The following UGT1A6 variants were observed in gnomAD, a reference collection of about 807,000 sequenced individuals.
UGT1A6 encodes UDP glucuronosyltransferase family 1 member A6.
In UGT1A6, 32 loss-of-function variants were observed where a neutral mutation model predicts 44.4. That is an observed-to-expected ratio of 0.72 (90% CI 0.54 to 0.97). UGT1A6 has a LOEUF of 0.97. UGT1A6 is among the 50% of genes least tolerant of loss of function. UGT1A6 has a pLI of 0.00. For missense variants in UGT1A6, 685 were observed against 661.9 expected, an observed-to-expected ratio of 1.03 and a Z score of -0.38; for synonymous variants, 238 against 248.5, an observed-to-expected ratio of 0.96 and a Z score of 0.40.
intron 1 of UGT1A6, among the ~76,000 whole-genome samples, chr2:233,731,510 C>T (rs1236819305): frequency 6.6e-6 from 1 of 152,156 alleles, no homozygotes; most frequent in African/African-American, 2.4e-5. Context: ...GTTCAGTTCC[C>T]ACCTATGAGT....
At chr2:233,723,514 A>G (rs2077090409) in intron 1 of UGT1A6, among the ~76,000 whole-genome samples, 1 of 107,644 alleles carries the variant, frequency 9.3e-6, no homozygotes, top group Non-Finnish European at 1.8e-5. Context: ...CTGGTCAACA[A>G]TCTTTTTTTT....
In UGT1A6 at chr2:233,693,744, A is replaced by G. The variant is rs533205358; in HGVS notation, c.740A>G (p.Tyr247Cys). ...LKRDVDIITL[Y>C]QKVSVWLLRY... ...AGAGATGTGGATATAATCACCTTAT[A>G]TCAGAAGGTCTCTGTTTGGCTGTTA... Residue 247 changes from tyrosine (Y) to cysteine (C), a missense_variant, in exon 1 of 5, where the codon TAT becomes TGT. Physicochemically the swap from Tyr to Cys is radical, Grantham distance 194 (BLOSUM62 -2). Transcript: ENST00000305139. 103 of 1,614,126 alleles carry G rather than the reference A, an allele frequency of 6.4e-5. No homozygotes were observed. The highest frequency in any genetic ancestry group is 7.9e-5 in the Non-Finnish European group (93 of 1,180,050).
intron 1 of UGT1A6, among the ~76,000 whole-genome samples, chr2:233,732,119 T>C (rs1297599080): frequency 7.1e-6 from 1 of 141,674 alleles, no homozygotes; most frequent in African/African-American, 2.7e-5. Context: ...TTTGCCCACT[T>C]TTTGATGAGG....
At chr2:233,743,013 C>T (rs1054809) in intron 1 of UGT1A6, 1 of 235,812 alleles carries the variant, frequency 4.2e-6, no homozygotes, top group Non-Finnish European at 8.4e-6. Context: ...TATTTTACAA[C>T]GATTGAAAGA....
intron 1 of UGT1A6, chr2:233,760,404 C>T (rs1211296854): frequency 1.2e-6 from 2 of 1,614,220 alleles, no homozygotes; most frequent in Non-Finnish European, 8.5e-7. Flanking sequence ...ATGGCAGCCA[C>T]TGGCTGAGCA....
At chr2:233,709,458 T>A (rs1048342871) in intron 1 of UGT1A6, among the ~76,000 whole-genome samples, 2 of 152,212 alleles carry the variant, frequency 1.3e-5, no homozygotes, top group African/African-American at 4.8e-5. Flanking sequence ...TTTAAAGCAA[T>A]CATTTTGGGG....
At chr2:233,695,130 C>CTTTCTTTTTTTTTTTTTTT (rs1364557158) in intron 1 of UGT1A6, among the ~76,000 whole-genome samples, 1 of 138,838 alleles carries the variant, frequency 7.2e-6, no homozygotes. Flanking sequence ...CTTTTCTTTT[C>CTTTCTTTTTTTTTTTTTTT]TTTTTTTTTT....
chr2:233,743,312 T>A, intron 1 of UGT1A6: 2 of 657,664 alleles, frequency 3.0e-6, no homozygotes, highest in South Asian at 1.5e-5. Context: ...TTGGTGGTGA[T>A]TTTTTTACCA....
Position 233,768,319 on chromosome 2 carries a change from G to C in UGT1A6, c.1181G>C (p.Gly394Ala), listed in dbSNP as rs367897068. The C allele has an allele frequency of 1.4e-5, 23 of 1,614,162 alleles. No individual in the cohort carries two copies. In the South Asian group the frequency reaches 2.2e-4, roughly 15 times the overall value. ...CCCATGGTGATGATGCCCTTGTTTG[G>C]TGATCAGATGGACAATGCAAAGCGC... is the stretch of plus-strand genomic sequence containing the variant. ...GVPMVMMPLF[G>A]DQMDNAKRME... The change falls in exon 4 of 5, where the codon GGT (glycine) becomes GCT (alanine). Residue 394 changes from glycine to alanine, a missense_variant. Transcript: ENST00000305139.
rs1233406017 is a variant in UGT1A6 at position 233,718,946 on chromosome 2, CA to C, written c.861+25082del. 88 of 1,614,072 alleles carry C rather than the reference CA, an allele frequency of 5.5e-5. No homozygotes were observed. In the East Asian group the frequency reaches 1.6e-3, roughly 29 times the overall value. ...TGCCCACTGATGGCAGCCCCTGGCT[CA>C]GCATGCGGGAGGCCTTGCGGGAGCT... On this transcript the variant is annotated intron_variant, in intron 1 of 4. Transcript: ENST00000305139.
intron 4 of UGT1A6, 66 bp downstream of exon 4, chr2:233,768,505 A>G (rs1285600562): frequency 6.4e-7 from 1 of 1,563,990 alleles, no homozygotes; most frequent in Non-Finnish European, 8.7e-7. Flanking sequence ...TTCAAATATG[A>G]AAACATTTAC....
chr2:233,729,858 A>G (rs1450945508), intron 1 of UGT1A6: 1 of 1,613,820 alleles, frequency 6.2e-7, no homozygotes. Context: ...GAGAGGTGTC[A>G]GTGGTGGATA....
intron 1 of UGT1A6, among the ~76,000 whole-genome samples, chr2:233,702,394 T>C (rs767929704): frequency 7.2e-5 from 11 of 152,332 alleles, no homozygotes; most frequent in Non-Finnish European, 1.5e-4. Context: ...TTCCAGATCA[T>C]GTTATCTACA....
In UGT1A6 at chr2:233,755,043, C is replaced by G. The variant is rs780933124; in HGVS notation, c.862-11991C>G. ...CTTGAAGGGCCTGCCGCCTGCGCAGCCGCCCTCCGCCCTCGCCTCGCCATA... is the reference window on the plus strand; with the variant it reads ...CTTGAAGGGCCTGCCGCCTGCGCAGGCGCCCTCCGCCCTCGCCTCGCCATA... On this transcript the variant is annotated intron_variant, in intron 1 of 4. Transcript: ENST00000305139. The G allele has an allele frequency of 9.8e-6, 13 of 1,323,836 alleles. No homozygotes were observed. In the South Asian group the frequency reaches 1.4e-4, roughly 14 times the overall value. The allele number at this position is 1,323,836 out of a possible 1,614,324, so 82.0% of individuals were successfully genotyped here. A position where few individuals can be genotyped will look rare whatever the true frequency, so the allele number is the denominator to read the frequency against.
chr2:233,720,440 T>C (rs2076859739), intron 1 of UGT1A6, among the ~76,000 whole-genome samples: 1 of 152,036 alleles, frequency 6.6e-6, no homozygotes, highest in Non-Finnish European at 1.5e-5. Flanking sequence ...CGTGAATCTA[T>C]AAGCCCAGTG....
At chr2:233,746,870 G>A (rs544593514) in intron 1 of UGT1A6, among the ~76,000 whole-genome samples, 2 of 151,670 alleles carry the variant, frequency 1.3e-5, no homozygotes, top group African/African-American at 4.9e-5. Flanking sequence ...CCTGATAAAC[G>A]TGGTTAACAG....
At position 233,772,328 on chromosome 2, in the gene UGT1A6, G is replaced by A. The variant is rs1288878731; in HGVS notation, c.1368G>A (p.Leu456=). 2 of 1,614,180 alleles carry A rather than the reference G, an allele frequency of 1.2e-6. No individual in the cohort carries two copies. The highest frequency in any genetic ancestry group is 1.7e-6 in the Non-Finnish European group (2 of 1,180,040). The change falls in exon 5 of 5, where the codon CTG becomes CTA. Residue 456 remains leucine (L), a synonymous_variant. Coordinates refer to ENST00000305139, the MANE Select transcript of UGT1A6 (RefSeq NM_001072.4). ...HKDRPVEPLD[L]AVFWVEFVMR... is the part of the protein sequence containing the mutation. ...ACCGCCCGGTGGAGCCGCTGGACCT[G>A]GCCGTGTTCTGGGTGGAGTTTGTGA...
At chr2:233,706,824 A>G (rs2125605408) in intron 1 of UGT1A6, among the ~76,000 whole-genome samples, 2 of 152,344 alleles carry the variant, frequency 1.3e-5, no homozygotes, top group Middle Eastern at 3.4e-3. Flanking sequence ...ATCCCAGGGC[A>G]GGACTCTAAA....
intron 1 of UGT1A6, among the ~76,000 whole-genome samples, chr2:233,764,956 C>T (rs371892810): frequency 2.6e-5 from 4 of 152,042 alleles, no homozygotes; most frequent in Non-Finnish European, 5.9e-5. Context: ...AGAGAGGGCT[C>T]ACCTTGGGAG....
Sources: allele counts gnomAD v4.1 joint callset (sites outside exome capture counted in the v4.1 genomes callset), GRCh38; gene constraint gnomAD v4.1.1; transcripts MANE v1.5; gene names NCBI Gene and HGNC (gene_info 2026-07-23, HGNC 2026-07-21).